Variants in PCSK2 observed in about 807,000 individuals in gnomAD.
The protein encoded by PCSK2 is proprotein convertase subtilisin/kexin type 2.
PCSK2 carries 14 observed loss-of-function variants against 69.7 expected under a neutral mutation model. That is an observed-to-expected ratio of 0.20 (90% CI 0.13 to 0.31). The LOEUF (loss-of-function observed/expected upper bound fraction) is 0.31. PCSK2 is among the 10% of genes least tolerant of loss of function. The pLI is 1.00. For synonymous variants in PCSK2, 307 were observed against 320.7 expected (o/e 0.96, Z 0.46); for missense variants, 544 against 842.5 (o/e 0.65, Z 4.39).
chr20:17,476,049 C>T lies in PCSK2; in HGVS notation c.1431-5535C>T, dbSNP rs79426940. Reference sequence around the variant, plus strand: ...AAGGAAAGCCCGATTCTGGGCCTGGCTGCTTGTCTGCCTAGAAACCCTGTG... The same window carrying T: ...AAGGAAAGCCCGATTCTGGGCCTGGTTGCTTGTCTGCCTAGAAACCCTGTG... On this transcript the variant is annotated intron_variant, in intron 11 of 11. Transcript: ENST00000262545. 8.1e-4 allele frequency among the ~76,000 whole-genome samples: 123 copies of T among 152,354 alleles called. 1 individual carries two copies. The highest frequency in any genetic ancestry group is 1.6e-3 in the Non-Finnish European group (112 of 68,030).
At chr20:17,469,690 G>A (rs1163556696) in intron 11 of PCSK2, among the ~76,000 whole-genome samples, 1 of 152,152 alleles carries the variant, frequency 6.6e-6, no homozygotes, top group Admixed American at 6.5e-5. Flanking sequence ...ACATTAGGCC[G>A]TATGTGAGAG....
intron 2 of PCSK2, among the ~76,000 whole-genome samples, chr20:17,268,605 G>A (rs1987734392): frequency 6.6e-6 from 1 of 152,134 alleles, no homozygotes; most frequent in African/African-American, 2.4e-5. Flanking sequence ...AAGCTGCAAA[G>A]GAATGAGCCA....
chr20:17,330,420 C>T (rs149338226), intron 2 of PCSK2, among the ~76,000 whole-genome samples: 50 of 151,952 alleles, frequency 3.3e-4, no homozygotes, highest in African/African-American at 9.2e-4. Context: ...GGCGAAACCC[C>T]GTCTCTACTA....
chr20:17,418,365 G>A (rs1207255147), intron 6 of PCSK2, among the ~76,000 whole-genome samples: 1 of 152,132 alleles, frequency 6.6e-6, no homozygotes, highest in Non-Finnish European at 1.5e-5. Context: ...TGGGAGTAGG[G>A]AACGAATGTA....
At position 17,360,587 on chromosome 20, in the gene PCSK2, C is replaced by T; in HGVS notation, c.452C>T (p.Ala151Val). 6.2e-7 allele frequency: 1 copy of T among 1,613,012 alleles called. No individual in the cohort carries two copies. The highest frequency in any genetic ancestry group is 8.5e-7 in the Non-Finnish European group (1 of 1,179,318). The change falls in exon 4 of 12, where the codon GCC becomes GTC. Residue 151 changes from alanine (A) to valine (V), a missense_variant. Ala to Val is a moderately conservative substitution (Grantham distance 64). Around this residue, in one of 3 missense-constraint regions of PCSK2, gnomAD observed 187 missense variants for 399.8 expected, o/e 0.47. Coordinates refer to ENST00000262545, the MANE Select transcript of PCSK2 (RefSeq NM_002594.5). ...GGCCTTGATTTGAATGTGGCTGAAGCCTGGGAGCTGGGATACACAGGGAAA... is the reference window on the plus strand; with the variant it reads ...GGCCTTGATTTGAATGTGGCTGAAGTCTGGGAGCTGGGATACACAGGGAAA... Reference protein sequence around the residue: ...TPGLDLNVAEAWELGYTGKGV... With the variant: ...TPGLDLNVAEVWELGYTGKGV...
intron 5 of PCSK2, among the ~76,000 whole-genome samples, chr20:17,404,666 G>T (rs1331816898): frequency 2.0e-5 from 3 of 152,212 alleles, no homozygotes; most frequent in Admixed American, 1.3e-4. Flanking sequence ...GCCCAGGAGA[G>T]AACGAGGTAT....
chr20:17,340,216 A>G (rs1990471344), intron 2 of PCSK2, among the ~76,000 whole-genome samples: 1 of 152,236 alleles, frequency 6.6e-6, no homozygotes, highest in Non-Finnish European at 1.5e-5. Context: ...ATGAAAAGAT[A>G]TCTGACTTGA....
chr20:17,423,564 T>C (rs1351649314), intron 6 of PCSK2, among the ~76,000 whole-genome samples: 2 of 152,204 alleles, frequency 1.3e-5, no homozygotes, highest in East Asian at 3.9e-4. Flanking sequence ...AAATTAGGGA[T>C]GGATTTCTTA....
At chr20:17,452,000 C>T (rs1350904619) in intron 8 of PCSK2, among the ~76,000 whole-genome samples, 1 of 150,336 alleles carries the variant, frequency 6.7e-6, no homozygotes, top group African/African-American at 2.5e-5. Flanking sequence ...CTCACTGCAC[C>T]TCCCGAATAG....
intron 11 of PCSK2, among the ~76,000 whole-genome samples, chr20:17,469,134 C>G (rs572921196): frequency 6.6e-6 from 1 of 152,340 alleles, no homozygotes; most frequent in African/African-American, 2.4e-5. Flanking sequence ...GCTTCTGTGT[C>G]CACACATCAT....
chr20:17,299,993 A>G (rs1364682578), intron 2 of PCSK2, among the ~76,000 whole-genome samples: 1 of 152,220 alleles, frequency 6.6e-6, no homozygotes, highest in East Asian at 1.9e-4. Flanking sequence ...TCGCAGAGAC[A>G]GGTCTGTATT....
At chr20:17,326,633 A>G (rs984419154) in intron 2 of PCSK2, among the ~76,000 whole-genome samples, 1 of 152,260 alleles carries the variant, frequency 6.6e-6, no homozygotes, top group African/African-American at 2.4e-5. Flanking sequence ...AAATAAAAAT[A>G]AAATGGTTTT....
intron 2 of PCSK2, among the ~76,000 whole-genome samples, chr20:17,291,201 C>T (rs563785250): frequency 6.6e-6 from 1 of 152,092 alleles, no homozygotes; most frequent in South Asian, 2.1e-4. Flanking sequence ...TAAATAACCA[C>T]TATTACTAAT....
chr20:17,313,113 A>G (rs1989567807), intron 2 of PCSK2, among the ~76,000 whole-genome samples: 1 of 152,256 alleles, frequency 6.6e-6, no homozygotes, highest in African/African-American at 2.4e-5. Flanking sequence ...AATATATTTC[A>G]CTTAACCCAA....
intron 6 of PCSK2, among the ~76,000 whole-genome samples, chr20:17,411,167 G>A (rs1311438564): frequency 2.6e-5 from 4 of 152,174 alleles, no homozygotes; most frequent in South Asian, 2.1e-4. Context: ...CAGCATGATC[G>A]ACGCAGAAGA....
In PCSK2 at chr20:17,261,930, A is replaced by G. The variant is rs551706374; in HGVS notation, c.282+1586A>G. Among the ~76,000 whole-genome samples, 5 of 152,374 alleles carry G rather than the reference A, an allele frequency of 3.3e-5. No individual in the cohort carries two copies. In the South Asian group the frequency reaches 1.0e-3, roughly 32 times the overall value. On this transcript the variant is annotated intron_variant, in intron 2 of 11. Coordinates refer to ENST00000262545, the MANE Select transcript of PCSK2 (RefSeq NM_002594.5). ...TCCAAGATTATTCAGAAACATATAA[A>G]CTGGGGGCAGAATGAAAGAGACATT...
chr20:17,479,203 C>CAT, intron 11 of PCSK2: 1 of 1,371,794 alleles, frequency 7.3e-7, no homozygotes, highest in Non-Finnish European at 1.0e-6. Flanking sequence ...GTGCGAAAGC[C>CAT]ATATGCGCTC....
At chr20:17,344,743 T>TA (rs1170246707) in intron 2 of PCSK2, among the ~76,000 whole-genome samples, 11 of 152,164 alleles carry the variant, frequency 7.2e-5, no homozygotes, top group Admixed American at 6.5e-4. Context: ...ATGCCAAGCA[T>TA]AAAAAATGTG....
chr20:17,352,490 CA>C (rs1337703571), intron 2 of PCSK2, among the ~76,000 whole-genome samples: 1 of 152,066 alleles, frequency 6.6e-6, no homozygotes, highest in Non-Finnish European at 1.5e-5. Flanking sequence ...GGTAGTGGTA[CA>C]AAAACAGACA....
Sources: gnomAD v4.1 joint callset for allele counts (sites outside exome capture counted in the v4.1 genomes callset) on GRCh38, gnomAD v4.1.1 for gene constraint, gnomAD v4.1.1 regional missense constraint, MANE v1.5 for transcripts, NCBI Gene and HGNC (gene_info 2026-07-23, HGNC 2026-07-21) for gene names.